Variants in HDAC9 observed in about 807,000 individuals in gnomAD.
HDAC9 encodes MEF-2 interacting transcription repressor (MITR) protein.
HDAC9 carries 41 observed loss-of-function variants against 139.4 expected under a neutral mutation model. The ratio of observed to expected loss-of-function variants is 0.29; its 90% CI spans 0.23 to 0.38. The LOEUF (loss-of-function observed/expected upper bound fraction) is 0.38, where lower values mean the gene tolerates loss of function less well. Among genes scored for constraint, HDAC9 ranks in the 10% least tolerant of loss-of-function variants. HDAC9 has a pLI of 1.00. For missense variants in HDAC9, 1,147 were observed against 1,297.0 expected (o/e 0.88, Z 1.78); for synonymous variants, 517 against 476.2 (o/e 1.09, Z -1.12).
At chr7:18,357,695 T>C (rs576748063) in intron 1 of HDAC9, among the ~76,000 whole-genome samples, 10 of 152,262 alleles carry the variant, frequency 6.6e-5, no homozygotes, top group African/African-American at 2.4e-4. Context: ...TAGGTGGCCC[T>C]ACCACATAAA....
At chr7:18,143,609 A>G (rs912416836) in intron 1 of HDAC9, among the ~76,000 whole-genome samples, 2 of 152,106 alleles carry the variant, frequency 1.3e-5, no homozygotes, top group Admixed American at 1.3e-4. Context: ...AACATGGTGA[A>G]ACCTCGTATC....
chr7:18,148,636 T>A (rs962578964), intron 1 of HDAC9, among the ~76,000 whole-genome samples: 1 of 152,044 alleles, frequency 6.6e-6, no homozygotes, highest in Non-Finnish European at 1.5e-5. Flanking sequence ...TTTTTTGTAT[T>A]TTTAGTAGAG....
Position 18,720,543 on chromosome 7 carries a change from G to A in HDAC9, c.1732-7037G>A, listed in dbSNP as rs115742907. Among the ~76,000 whole-genome samples, 429 of 150,742 alleles carry A rather than the reference G, an allele frequency of 2.8e-3. 1 individual carries two copies. The highest frequency in any genetic ancestry group is 9.9e-3 in the African/African-American group (405 of 41,098). ...TATTACTGTGTTCATTTATCTATCA[G>A]TGAAATTATTTCATAGTTGGTACAG... On this transcript the variant is annotated intron_variant, in intron 12 of 25. Transcript: ENST00000686413.
At chr7:18,120,390 A>G (rs534776013) in intron 1 of HDAC9, among the ~76,000 whole-genome samples, 3 of 152,308 alleles carry the variant, frequency 2.0e-5, no homozygotes, top group South Asian at 2.1e-4. Flanking sequence ...CTGAGGTTCA[A>G]AAGGGTTAAG....
chr7:18,156,521 A>G (rs1280254661), intron 1 of HDAC9, among the ~76,000 whole-genome samples: 4 of 152,196 alleles, frequency 2.6e-5, no homozygotes, highest in Non-Finnish European at 5.9e-5. Flanking sequence ...TTGCATAACT[A>G]CAGAATCATT....
At chr7:18,711,340 G>A (rs142097121) in intron 12 of HDAC9, among the ~76,000 whole-genome samples, 3 of 152,212 alleles carry the variant, frequency 2.0e-5, no homozygotes, top group African/African-American at 4.8e-5. Context: ...CTCTGGTTCC[G>A]GCTGCTGTCA....
intron 21 of HDAC9, among the ~76,000 whole-genome samples, chr7:18,873,058 T>C (rs1799053166): frequency 6.6e-6 from 1 of 152,216 alleles, no homozygotes; most frequent in East Asian, 1.9e-4. Flanking sequence ...TACACCACAA[T>C]ACTATTTCAC....
chr7:18,718,050 G>T lies in HDAC9; in HGVS notation c.1732-9530G>T, dbSNP rs114409801. ...TTTCGTATAGTCACTGAATTGACTG[G>T]TGCAACCATCACCAGAGTCAATGTT... On this transcript the variant is annotated intron_variant, in intron 12 of 25. Coordinates refer to ENST00000686413, the MANE Select transcript of HDAC9 (RefSeq NM_178425.4). Among the ~76,000 whole-genome samples the T allele has an allele frequency of 6.0e-3, 912 of 151,976 alleles. 8 individuals are homozygous for T. Among genetic ancestry groups the T allele is most frequent in the African/African-American group, 0.021 (872 of 41,410 alleles).
rs563257050 is a variant in HDAC9, at chr7:18,975,006, T to C, written c.3023-800T>C. 3.9e-5 allele frequency among the ~76,000 whole-genome samples: 6 copies of C among 152,320 alleles called. No homozygotes were observed. In the East Asian group the frequency reaches 9.7e-4, roughly 25 times the overall value. ...TAACCTGGTGAGTCATGTCAGCACC[T>C]AGGGAGATTCTCCTGCTTTGATTTG... On this transcript the variant is annotated intron_variant, in intron 24 of 25. Transcript: ENST00000686413.
chr7:18,868,377 A>G (rs996752757), intron 21 of HDAC9, among the ~76,000 whole-genome samples: 1 of 152,234 alleles, frequency 6.6e-6, no homozygotes, highest in African/African-American at 2.4e-5. Context: ...AGCTTTGTTC[A>G]CACACATACA....
intron 2 of HDAC9, among the ~76,000 whole-genome samples, chr7:18,508,887 A>T (rs1800599092): frequency 6.6e-6 from 1 of 152,140 alleles, no homozygotes; most frequent in Admixed American, 6.6e-5. Flanking sequence ...GTCAAATCAC[A>T]CCTTTGTTAG....
intron 16 of HDAC9, among the ~76,000 whole-genome samples, chr7:18,778,589 C>G (rs1212044467): frequency 2.6e-5 from 4 of 152,042 alleles, no homozygotes; most frequent in Admixed American, 2.0e-4. Context: ...GGCTCTGTCT[C>G]TAACTCAGTC....
intron 2 of HDAC9, among the ~76,000 whole-genome samples, chr7:18,174,381 C>G (rs922923068): frequency 2.8e-4 from 42 of 152,126 alleles, no homozygotes; most frequent in Non-Finnish European, 1.5e-4. Context: ...AGCTTCCTTG[C>G]GATGGGTTCG....
chr7:18,264,959 G>C (rs181029065), intron 2 of HDAC9, among the ~76,000 whole-genome samples: 2 of 152,174 alleles, frequency 1.3e-5, no homozygotes, highest in Admixed American at 1.3e-4. Context: ...ATAGGCTTTA[G>C]TGCCATTAAG....
At chr7:18,965,705 G>T (rs1042852998) in intron 24 of HDAC9, among the ~76,000 whole-genome samples, 1 of 152,208 alleles carries the variant, frequency 6.6e-6, no homozygotes, top group Non-Finnish European at 1.5e-5. Context: ...AGGGAGCAGA[G>T]AAATTTATGC....
intron 11 of HDAC9, among the ~76,000 whole-genome samples, chr7:18,649,506 A>C (rs1338574921): frequency 6.6e-6 from 1 of 152,136 alleles, no homozygotes; most frequent in African/African-American, 2.4e-5. Flanking sequence ...TATCATCTAC[A>C]AGTTATGTTA....
chr7:18,980,075 A>G (rs1171501620), intron 25 of HDAC9, among the ~76,000 whole-genome samples: 2 of 152,148 alleles, frequency 1.3e-5, no homozygotes, highest in Non-Finnish European at 2.9e-5. Context: ...AGCTCCTGGT[A>G]AAAAGAAAAA....
intron 2 of HDAC9, among the ~76,000 whole-genome samples, chr7:18,512,947 A>G (rs759760331): frequency 1.3e-5 from 2 of 152,220 alleles, no homozygotes; most frequent in Non-Finnish European, 2.9e-5. Context: ...ATGCTCACAT[A>G]GATGACAAGG....
intron 22 of HDAC9, among the ~76,000 whole-genome samples, chr7:18,920,476 GC>G (rs1439447267): frequency 6.6e-6 from 1 of 151,950 alleles, no homozygotes; most frequent in Non-Finnish European, 1.5e-5. Context: ...CTAATTGAAT[GC>G]CCTTTATTTC....
Sources: gnomAD v4.1 joint callset for allele counts (sites outside exome capture counted in the v4.1 genomes callset) on GRCh38, gnomAD v4.1.1 for gene constraint, MANE v1.5 for transcripts, NCBI Gene and HGNC (gene_info 2026-07-23, HGNC 2026-07-21) for gene names.